The following SLC4A4 variants were observed in gnomAD, a reference collection of about 807,000 sequenced individuals.
The protein encoded by SLC4A4 is solute carrier family 4 member 4.
A neutral mutation model predicts 111.5 loss-of-function variants in SLC4A4; 27 were observed. The ratio of observed to expected loss-of-function variants is 0.24; its 90% CI spans 0.18 to 0.33. The LOEUF is 0.33. Ranked by LOEUF, SLC4A4 falls within the 10% of genes least tolerant of loss-of-function variation. The pLI, the probability that SLC4A4 is intolerant of heterozygous loss-of-function variation, is 1.00. For synonymous variants in SLC4A4, 443 were observed against 463.4 expected (o/e 0.96, Z 0.57); for missense variants, 909 against 1,315.5 (o/e 0.69, Z 4.78).
intron 2 of SLC4A4, among the ~76,000 whole-genome samples, chr4:71,141,878 T>C (rs1744007173): frequency 6.6e-6 from 1 of 152,206 alleles, no homozygotes; most frequent in South Asian, 2.1e-4. Flanking sequence ...GTTTGGAGAA[T>C]AGAAGAATGA....
chr4:71,257,439 G>C (rs1721532301), intron 3 of SLC4A4, among the ~76,000 whole-genome samples: 1 of 152,122 alleles, frequency 6.6e-6, no homozygotes, highest in African/African-American at 2.4e-5. Context: ...CTTAGAAATT[G>C]CTGTATATCC....
chr4:71,535,600 T>C (rs750373741), intron 18 of SLC4A4, among the ~76,000 whole-genome samples: 15 of 152,206 alleles, frequency 9.9e-5, no homozygotes, highest in Middle Eastern at 3.4e-3. Context: ...GTTAGAGTAA[T>C]GTGAGTCTGG....
At chr4:71,277,062 A>C (rs1038986589) in intron 3 of SLC4A4, among the ~76,000 whole-genome samples, 1 of 152,166 alleles carries the variant, frequency 6.6e-6, no homozygotes, top group Admixed American at 6.5e-5. Flanking sequence ...AACAAAAAAC[A>C]AAACAAAACA....
intron 2 of SLC4A4, among the ~76,000 whole-genome samples, chr4:71,246,619 A>G (rs1213636672): frequency 2.6e-5 from 4 of 152,204 alleles, no homozygotes; most frequent in African/African-American, 9.6e-5. Context: ...TATGGAACTA[A>G]GGGTGGTGGA....
intron 2 of SLC4A4, among the ~76,000 whole-genome samples, chr4:71,124,515 T>C (rs1016132704): frequency 6.6e-6 from 1 of 152,194 alleles, no homozygotes; most frequent in Non-Finnish European, 1.5e-5. Context: ...GTAAATTTTG[T>C]ACATTCGTCT....
chr4:71,159,973 T>A (rs1744576419), intron 2 of SLC4A4, among the ~76,000 whole-genome samples: 1 of 152,218 alleles, frequency 6.6e-6, no homozygotes, highest in Non-Finnish European at 1.5e-5. Flanking sequence ...AAGATGTGTA[T>A]TTCTGCAATT....
chr4:71,313,660 G>T (rs982728816), intron 3 of SLC4A4, among the ~76,000 whole-genome samples: 1 of 152,142 alleles, frequency 6.6e-6, no homozygotes, highest in African/African-American at 2.4e-5. Context: ...ACAAAAACAA[G>T]CAATGGGGAA....
chr4:71,318,862 T>A (rs1467565537), intron 3 of SLC4A4, among the ~76,000 whole-genome samples: 2 of 151,832 alleles, frequency 1.3e-5, no homozygotes, highest in Non-Finnish European at 2.9e-5. Flanking sequence ...ATGGCTGATT[T>A]ACATGTGTTA....
chr4:71,406,593 C>G (rs569847457), intron 7 of SLC4A4, among the ~76,000 whole-genome samples: 1 of 151,822 alleles, frequency 6.6e-6, no homozygotes, highest in South Asian at 2.1e-4. Context: ...GTGTTACCCA[C>G]CAATGGGCTG....
At chr4:71,513,167 T>A (rs906582268) in intron 16 of SLC4A4, among the ~76,000 whole-genome samples, 12 of 152,126 alleles carry the variant, frequency 7.9e-5, no homozygotes, top group Admixed American at 7.9e-4. Flanking sequence ...TTTTTTCTAA[T>A]TCTGTGAAGG....
intron 3 of SLC4A4, among the ~76,000 whole-genome samples, chr4:71,297,292 A>G (rs554232644): frequency 6.6e-6 from 1 of 152,316 alleles, no homozygotes; most frequent in East Asian, 1.9e-4. Flanking sequence ...TTGCGTCTCC[A>G]GGTAGACACT....
In SLC4A4 at chr4:71,453,670, G is replaced by A; in HGVS notation, c.1497+1G>A. Reference sequence around the variant, plus strand: ...TGGGGATGCCACTGACAACATGCAGGTGGGTATGGTTTTGAGGAGGACACA... The same window carrying A: ...TGGGGATGCCACTGACAACATGCAGATGGGTATGGTTTTGAGGAGGACACA... On this transcript the variant is annotated splice_donor_variant, in intron 12 of 25. Coordinates refer to ENST00000264485, the MANE Select transcript of SLC4A4 (RefSeq NM_001098484.3). LOFTEE classifies it high-confidence loss of function. The A allele has an allele frequency of 6.2e-7, 1 of 1,613,742 alleles. No homozygotes were observed. The highest frequency in any genetic ancestry group is 8.5e-7 in the Non-Finnish European group (1 of 1,179,784).
chr4:71,383,306 T>G (rs183223011), intron 6 of SLC4A4, among the ~76,000 whole-genome samples: 1 of 152,360 alleles, frequency 6.6e-6, no homozygotes, highest in East Asian at 1.9e-4. Flanking sequence ...ATTGATTTCT[T>G]AAGTAAATAA....
intron 7 of SLC4A4, among the ~76,000 whole-genome samples, chr4:71,414,440 G>T (rs1721661119): frequency 6.6e-6 from 1 of 152,164 alleles, no homozygotes; most frequent in African/African-American, 2.4e-5. Flanking sequence ...CACAAGATAG[G>T]CATTCTGCAT....
At chr4:71,292,164 C>A (rs1724406963) in intron 3 of SLC4A4, among the ~76,000 whole-genome samples, 1 of 152,176 alleles carries the variant, frequency 6.6e-6, no homozygotes, top group African/African-American at 2.4e-5. Context: ...AAACCTGAAT[C>A]TATAATACGG....
intron 14 of SLC4A4, among the ~76,000 whole-genome samples, chr4:71,476,717 A>C (rs1244307447): frequency 6.6e-6 from 1 of 151,202 alleles, no homozygotes; most frequent in African/African-American, 2.4e-5. Flanking sequence ...TTCTCCATTC[A>C]TTTTGCTCCC....
intron 12 of SLC4A4, among the ~76,000 whole-genome samples, chr4:71,460,910 G>A (rs774941861): frequency 3.3e-5 from 5 of 152,040 alleles, no homozygotes; most frequent in Non-Finnish European, 5.9e-5. Flanking sequence ...TGACTCTCAT[G>A]TGACCCAAAT....
intron 2 of SLC4A4, among the ~76,000 whole-genome samples, chr4:71,146,355 G>A (rs1744170424): frequency 6.6e-6 from 1 of 152,160 alleles, no homozygotes; most frequent in South Asian, 2.1e-4. Flanking sequence ...GCTGAGGAGT[G>A]CTTTACTTCC....
At chr4:71,169,365 T>C (rs556580642) in intron 2 of SLC4A4, among the ~76,000 whole-genome samples, 11 of 152,184 alleles carry the variant, frequency 7.2e-5, no homozygotes, top group South Asian at 4.1e-4. Context: ...ATAGTGGTTA[T>C]ACTAATTTAT....
Sources: allele counts gnomAD v4.1 joint callset (sites outside exome capture counted in the v4.1 genomes callset), GRCh38; gene constraint gnomAD v4.1.1; transcripts MANE v1.5; gene names NCBI Gene and HGNC (gene_info 2026-07-23, HGNC 2026-07-21).